Variants in NELL1 observed in about 807,000 individuals in gnomAD.
NELL1 encodes the protein protein kinase C-binding protein NELL1.
In NELL1, 76 loss-of-function variants were observed where a neutral mutation model predicts 107.4. The ratio of observed to expected loss-of-function variants is 0.71; its 90% CI spans 0.59 to 0.86. The LOEUF (loss-of-function observed/expected upper bound fraction) is 0.86, where lower values mean the gene tolerates loss of function less well. Ranked by LOEUF, NELL1 falls within the 40% of genes least tolerant of loss-of-function variation. NELL1 has a pLI of 0.00. For missense variants in NELL1, 1,024 were observed against 1,005.5 expected (o/e 1.02, Z -0.25); for synonymous variants, 353 against 341.2 (o/e 1.03, Z -0.38).
intron 12 of NELL1, 117 bp from the exon 13 acceptor site, chr11:21,113,472 G>T (rs1855153285): frequency 5.8e-6 from 6 of 1,041,236 alleles, no homozygotes; most frequent in Non-Finnish European, 8.3e-6. Flanking sequence ...TTTAATGCAT[G>T]TTACTTTTTC....
In NELL1 at chr11:20,826,796, A is replaced by G. The variant is rs1478708765; in HGVS notation, c.336-20787A>G. On this transcript the variant is annotated intron_variant, in intron 3 of 19. Coordinates refer to ENST00000357134, the MANE Select transcript of NELL1 (RefSeq NM_006157.5). Reference sequence around the variant, plus strand: ...TCGGTATTTGCCTGATACATCTTAAATTTGCTTGTTCAGGTGAACAAGACC... The same window carrying G: ...TCGGTATTTGCCTGATACATCTTAAGTTTGCTTGTTCAGGTGAACAAGACC... Among the ~76,000 whole-genome samples the G allele has an allele frequency of 5.3e-5, 8 of 151,220 alleles. No homozygotes were observed. In the Admixed American group the frequency reaches 5.3e-4, roughly 10 times the overall value.
At chr11:21,566,980 G>A (rs958145128) in intron 17 of NELL1, among the ~76,000 whole-genome samples, 3 of 151,768 alleles carry the variant, frequency 2.0e-5, no homozygotes, top group Non-Finnish European at 4.4e-5. Context: ...AACCCTGGAG[G>A]CTATCCATTT....
At chr11:21,304,088 C>G (rs1651790591) in intron 14 of NELL1, among the ~76,000 whole-genome samples, 1 of 151,968 alleles carries the variant, frequency 6.6e-6, no homozygotes, top group African/African-American at 2.4e-5. Context: ...TCGGGGAAAC[C>G]ATCATTCAAA....
intron 5 of NELL1, among the ~76,000 whole-genome samples, chr11:20,897,899 A>G (rs1410025154): frequency 1.3e-5 from 2 of 152,232 alleles, no homozygotes; most frequent in Non-Finnish European, 2.9e-5. Context: ...TATGGCGATC[A>G]TTAAAAAGTC....
intron 5 of NELL1, among the ~76,000 whole-genome samples, chr11:20,887,573 G>T (rs1346218023): frequency 6.6e-6 from 1 of 152,110 alleles, no homozygotes; most frequent in Non-Finnish European, 1.5e-5. Context: ...AATTTTTAAG[G>T]TAAAGCCAGT....
chr11:21,338,148 G>A (rs1850479450), intron 14 of NELL1, among the ~76,000 whole-genome samples: 1 of 152,024 alleles, frequency 6.6e-6, no homozygotes, highest in Non-Finnish European at 1.5e-5. Context: ...CAGATATAAT[G>A]ACAATGCAAT....
chr11:21,113,887 A>T (rs1265392378), intron 13 of NELL1, among the ~76,000 whole-genome samples, 173 bp downstream of exon 13: 1 of 151,994 alleles, frequency 6.6e-6, no homozygotes, highest in Admixed American at 6.6e-5. Flanking sequence ...AATTATCTGC[A>T]TAATTGATTT....
intron 16 of NELL1, among the ~76,000 whole-genome samples, chr11:21,540,775 C>T (rs1856273106): frequency 6.6e-6 from 1 of 152,038 alleles, no homozygotes; most frequent in Non-Finnish European, 1.5e-5. Flanking sequence ...CTACCAGGCC[C>T]CTCCTCCAAC....
chr11:21,101,215 C>T (rs1199097433), intron 12 of NELL1, among the ~76,000 whole-genome samples: 2 of 152,146 alleles, frequency 1.3e-5, no homozygotes, highest in South Asian at 2.1e-4. Flanking sequence ...ATATGTGCCA[C>T]ATTTTCTTAA....
chr11:20,733,441 G>C (rs1009251011), intron 2 of NELL1, among the ~76,000 whole-genome samples: 3 of 152,184 alleles, frequency 2.0e-5, no homozygotes, highest in Non-Finnish European at 4.4e-5. Context: ...CATGCCTAAA[G>C]AGAACCTAGA....
chr11:21,567,694 A>G (rs1857003980), intron 17 of NELL1, among the ~76,000 whole-genome samples: 1 of 151,820 alleles, frequency 6.6e-6, no homozygotes, highest in African/African-American at 2.4e-5. Context: ...GTCCTGTCTG[A>G]TTATTCAGCG....
chr11:21,104,625 G>A (rs150893578), intron 12 of NELL1, among the ~76,000 whole-genome samples: 246 of 152,246 alleles, frequency 1.6e-3, no homozygotes, highest in African/African-American at 5.5e-3. Flanking sequence ...CCAAAATGTC[G>A]TTTGAATTTT....
At chr11:21,111,997 C>T (rs1855117948) in intron 12 of NELL1, among the ~76,000 whole-genome samples, 1 of 152,018 alleles carries the variant, frequency 6.6e-6, no homozygotes, top group Non-Finnish European at 1.5e-5. Flanking sequence ...TACTCTATGA[C>T]TCCTTCTTTT....
intron 12 of NELL1, among the ~76,000 whole-genome samples, chr11:21,024,354 T>C (rs1469247126): frequency 6.6e-6 from 1 of 152,164 alleles, no homozygotes; most frequent in East Asian, 1.9e-4. Flanking sequence ...TGGCTTTGTT[T>C]ACCCAAAAGA....
intron 10 of NELL1, among the ~76,000 whole-genome samples, chr11:20,940,343 T>A (rs1850824180): frequency 6.6e-6 from 1 of 151,974 alleles, no homozygotes; most frequent in African/African-American, 2.4e-5. Context: ...CACTGCAACC[T>A]CTGCCTCCCA....
intron 13 of NELL1, among the ~76,000 whole-genome samples, chr11:21,185,744 G>T (rs1304815446): frequency 1.3e-5 from 2 of 151,832 alleles, no homozygotes; most frequent in Admixed American, 6.6e-5. Flanking sequence ...TGCAGTGTCT[G>T]TCATACATAA....
At chr11:21,553,736 A>G (rs1856643576) in intron 16 of NELL1, among the ~76,000 whole-genome samples, 1 of 151,886 alleles carries the variant, frequency 6.6e-6, no homozygotes, top group African/African-American at 2.4e-5. Context: ...TGAGAGACAT[A>G]AAGATAAGAC....
At chr11:21,421,925 T>A (rs944783196) in intron 15 of NELL1, among the ~76,000 whole-genome samples, 2 of 152,104 alleles carry the variant, frequency 1.3e-5, no homozygotes, top group Non-Finnish European at 2.9e-5. Context: ...ATGTGAGGAA[T>A]CCTCAACAAG....
intron 4 of NELL1, among the ~76,000 whole-genome samples, chr11:20,850,307 AT>A (rs1461183518): frequency 1.3e-5 from 2 of 152,176 alleles, no homozygotes; most frequent in East Asian, 1.9e-4. Context: ...TGTGATTCTT[AT>A]TTTTTGATCC....
Sources: gnomAD v4.1 joint callset for allele counts (sites outside exome capture counted in the v4.1 genomes callset) on GRCh38, gnomAD v4.1.1 for gene constraint, MANE v1.5 for transcripts, NCBI Gene and HGNC (gene_info 2026-07-23, HGNC 2026-07-21) for gene names.